The following RFX7 variants were observed in gnomAD, a reference collection of about 807,000 sequenced individuals.
RFX7 encodes DNA-binding protein RFX7.
RFX7 carries 26 observed loss-of-function variants against 111.8 expected under a neutral mutation model. That is an observed-to-expected ratio of 0.23 (90% CI 0.17 to 0.32). RFX7 has a LOEUF of 0.32. Ranked by LOEUF, RFX7 falls within the 10% of genes least tolerant of loss-of-function variation. The probability of loss-of-function intolerance (pLI) is 1.00; values close to 1 mark genes in which losing one functional copy is unlikely to be tolerated. For synonymous variants in RFX7, 624 were observed against 624.4 expected (o/e 1.00, Z 0.01); for missense variants, 1,573 against 1,772.9 (o/e 0.89, Z 2.02).
chr15:56,142,727 G>A (rs1280085375), intron 5 of RFX7, 51 bp downstream of exon 5: 4 of 1,533,852 alleles, frequency 2.6e-6, no homozygotes, highest in Non-Finnish European at 3.6e-6. Context: ...GCCAAGTATA[G>A]TATTTTACCT....
chr15:56,244,587 C>T (rs1413445001), upstream of RFX7, among the ~76,000 whole-genome samples: 1 of 149,280 alleles, frequency 6.7e-6, no homozygotes, highest in Non-Finnish European at 1.5e-5. Flanking sequence ...CCCACCCCAC[C>T]CCACCCCCTT....
At chr15:56,155,565 G>A (rs1386739364) in intron 3 of RFX7, among the ~76,000 whole-genome samples, 6 of 152,140 alleles carry the variant, frequency 3.9e-5, no homozygotes, top group Non-Finnish European at 7.3e-5. Context: ...GTTGAACAAT[G>A]AGAACACATG....
chr15:56,159,608 A>G (rs989199487), intron 3 of RFX7, among the ~76,000 whole-genome samples: 4 of 152,268 alleles, frequency 2.6e-5, no homozygotes, highest in African/African-American at 4.8e-5. Flanking sequence ...TAGTTCAGAA[A>G]TAACTTTCTC....
chr15:56,136,572 T>A (rs1313980647), intron 5 of RFX7, among the ~76,000 whole-genome samples: 1 of 148,928 alleles, frequency 6.7e-6, no homozygotes, highest in Non-Finnish European at 1.5e-5. Context: ...ACAGGGACAA[T>A]TTGACTTCCT....
At chr15:56,179,691 C>T (rs964283359) in intron 2 of RFX7, among the ~76,000 whole-genome samples, 8 of 149,326 alleles carry the variant, frequency 5.4e-5, no homozygotes, top group East Asian at 2.0e-4. Context: ...AAAGTCATAA[C>T]GATGTACTAC....
chr15:56,195,510 T>C (rs544813968), intron 2 of RFX7, among the ~76,000 whole-genome samples: 10 of 152,184 alleles, frequency 6.6e-5, no homozygotes, highest in Non-Finnish European at 1.3e-4. Flanking sequence ...TGTTTCTCTC[T>C]GTAATCCAAG....
chr15:56,178,633 T>A (rs2042930122), intron 3 of RFX7, among the ~76,000 whole-genome samples: 1 of 152,130 alleles, frequency 6.6e-6, no homozygotes, highest in Non-Finnish European at 1.5e-5. Context: ...TCAGCAGTAT[T>A]CCAGATGTCC....
chr15:56,197,382 T>C (rs1266476967), intron 2 of RFX7, among the ~76,000 whole-genome samples: 1 of 152,178 alleles, frequency 6.6e-6, no homozygotes, highest in African/African-American at 2.4e-5. Context: ...TATTTTTCTT[T>C]ATGAAAAGTG....
chr15:56,115,983 G>C (rs1372083444), intron 5 of RFX7, among the ~76,000 whole-genome samples: 1 of 151,812 alleles, frequency 6.6e-6, no homozygotes. Flanking sequence ...AAAATGTCCA[G>C]ATTTATGATT....
At chr15:56,123,955 T>G (rs1174576703) in intron 5 of RFX7, among the ~76,000 whole-genome samples, 5 of 152,214 alleles carry the variant, frequency 3.3e-5, no homozygotes, top group Non-Finnish European at 5.9e-5. Flanking sequence ...AGACTTTTTT[T>G]GTACCTTCTT....
At chr15:56,097,224 T>C (rs1314493110) in intron 9 of RFX7, among the ~76,000 whole-genome samples, 1 of 152,164 alleles carries the variant, frequency 6.6e-6, no homozygotes, top group Non-Finnish European at 1.5e-5. Flanking sequence ...CAACTTACTC[T>C]CATTTTAAAA....
At chr15:56,141,755 AG>A (rs2042402751) in intron 5 of RFX7, among the ~76,000 whole-genome samples, 1 of 148,782 alleles carries the variant, frequency 6.7e-6, no homozygotes, top group South Asian at 2.1e-4. Context: ...TCTGGCATAT[AG>A]GTATTCAATG....
At chr15:56,157,454 TCTA>T (rs1302699796) in intron 3 of RFX7, among the ~76,000 whole-genome samples, 1 of 152,264 alleles carries the variant, frequency 6.6e-6, no homozygotes, top group Non-Finnish European at 1.5e-5. Flanking sequence ...TCACACTTTC[TCTA>T]CTGATTTTTT....
At chr15:56,152,393 A>C (rs2042583025) in intron 3 of RFX7, among the ~76,000 whole-genome samples, 3 of 152,240 alleles carry the variant, frequency 2.0e-5, no homozygotes. Flanking sequence ...CTCAGGGTTA[A>C]GAAACTTACC....
chr15:56,140,849 T>A (rs1189082212), intron 5 of RFX7, among the ~76,000 whole-genome samples: 2 of 152,230 alleles, frequency 1.3e-5, no homozygotes, highest in African/African-American at 4.8e-5. Context: ...AACATAACCA[T>A]GTCTTGCCAA....
chr15:56,094,632 A>G lies in RFX7; in HGVS notation c.3096T>C (p.Ser1032=). The change falls in exon 10 of 10, where the codon AGT becomes AGC. Residue 1032 remains serine, a synonymous_variant. Coordinates refer to ENST00000559447, the MANE Select transcript of RFX7 (RefSeq NM_022841.7). ...NPFAFTPISS[S]MAYHDASIVS... ...CAATGCTGGCGTCATGATATGCCAT[A>G]CTGGAGCTTATTGGAGTGAATGCAA... The G allele has an allele frequency of 3.1e-6, 5 of 1,613,942 alleles. No homozygotes were observed. Among genetic ancestry groups the G allele is most frequent in the Non-Finnish European group, 4.2e-6 (5 of 1,179,882 alleles).
chr15:56,135,189 T>C (rs1460422045), intron 5 of RFX7, among the ~76,000 whole-genome samples: 114 of 152,052 alleles, frequency 7.5e-4, no homozygotes, highest in African/African-American at 2.4e-3. Context: ...GGAATCGCCA[T>C]ACTGACTTCC....
At chr15:56,240,780 G>T (rs2043680697) in intron 2 of RFX7, among the ~76,000 whole-genome samples, 1 of 152,166 alleles carries the variant, frequency 6.6e-6, no homozygotes, top group South Asian at 2.1e-4. Context: ...ATATTATCAG[G>T]TGATAAAATA....
intron 2 of RFX7, among the ~76,000 whole-genome samples, chr15:56,180,062 T>C (rs1302035329): frequency 2.0e-5 from 3 of 152,122 alleles, no homozygotes; most frequent in African/African-American, 7.2e-5. Context: ...TGCAAAGAAA[T>C]CGTGCAAAAT....
Sources: allele counts gnomAD v4.1 joint callset (sites outside exome capture counted in the v4.1 genomes callset), GRCh38; gene constraint gnomAD v4.1.1; transcripts MANE v1.5; gene names NCBI Gene and HGNC (gene_info 2026-07-23, HGNC 2026-07-21).